The following KSR2 variants were observed in gnomAD, a reference collection of about 807,000 sequenced individuals.
The protein encoded by KSR2 is kinase suppressor of ras 2.
In KSR2, 25 loss-of-function variants were observed where a neutral mutation model predicts 107.8. The observed-to-expected ratio is 0.23, with a 90% CI of 0.17 to 0.32. KSR2 has a LOEUF of 0.32. Among genes scored for constraint, KSR2 ranks in the 10% least tolerant of loss-of-function variants. KSR2 has a pLI of 1.00. For missense variants in KSR2, 887 were observed against 1,268.9 expected, an observed-to-expected ratio of 0.70 and a Z score of 4.57; for synonymous variants, 480 against 507.0, an observed-to-expected ratio of 0.95 and a Z score of 0.71.
chr12:117,481,380 C>T (rs1253971118), intron 16 of KSR2, among the ~76,000 whole-genome samples: 3 of 152,074 alleles, frequency 2.0e-5, no homozygotes, highest in African/African-American at 4.8e-5. Context: ...AAGTTCGAGG[C>T]CCTAATCCAA....
At chr12:117,570,431 C>T (rs1878811005) in intron 7 of KSR2, among the ~76,000 whole-genome samples, 1 of 152,080 alleles carries the variant, frequency 6.6e-6, no homozygotes, top group South Asian at 2.1e-4. Context: ...GCCCCAAATG[C>T]CAATAGTGCC....
intron 5 of KSR2, among the ~76,000 whole-genome samples, chr12:117,584,541 C>T (rs908063184): frequency 6.6e-6 from 1 of 152,112 alleles, no homozygotes; most frequent in Admixed American, 6.5e-5. Context: ...TTCTGAGGCT[C>T]AACAGGAAAG....
chr12:117,478,100 G>C (rs149202558), intron 16 of KSR2, among the ~76,000 whole-genome samples: 19 of 152,208 alleles, frequency 1.2e-4, no homozygotes, highest in African/African-American at 4.6e-4. Flanking sequence ...TGCATATCTC[G>C]AATCATCCTC....
At chr12:117,837,454 TG>T (rs1892267836) in intron 3 of KSR2, among the ~76,000 whole-genome samples, 1 of 151,980 alleles carries the variant, frequency 6.6e-6, no homozygotes, top group Non-Finnish European at 1.5e-5. Context: ...CATCAAGAGG[TG>T]GCCCTGGTCG....
intron 3 of KSR2, among the ~76,000 whole-genome samples, chr12:117,792,571 C>T (rs574984034): frequency 1.1e-3 from 162 of 152,330 alleles, no homozygotes; most frequent in Non-Finnish European, 1.9e-3. Context: ...AGTAAGCCCA[C>T]AAGGGCTATT....
intron 19 of KSR2, among the ~76,000 whole-genome samples, chr12:117,469,098 T>C (rs368467101): frequency 6.6e-6 from 1 of 152,180 alleles, no homozygotes; most frequent in African/African-American, 2.4e-5. Context: ...CCACACTCAT[T>C]ATCTCAGATA....
chr12:117,621,503 G>C (rs908336135), intron 5 of KSR2, among the ~76,000 whole-genome samples: 1 of 152,104 alleles, frequency 6.6e-6, no homozygotes, highest in Non-Finnish European at 1.5e-5. Context: ...AGTAGCATGA[G>C]GATAAATATA....
intron 3 of KSR2, among the ~76,000 whole-genome samples, chr12:117,793,940 TACACCAACATGCGCAC>T (rs1284457034): frequency 7.6e-5 from 7 of 92,206 alleles, no homozygotes; most frequent in East Asian, 7.5e-4. Flanking sequence ...CATGCACACA[TACACCAACATGCGCAC>T]ACACCAACAT....
In KSR2 at chr12:117,900,241, A is replaced by G. The variant is rs537858772; in HGVS notation, c.181-39810T>C. Among the ~76,000 whole-genome samples, 4 of 152,338 alleles carry G rather than the reference A, an allele frequency of 2.6e-5. No individual in the cohort carries two copies. The South Asian group carries it at 8.3e-4, about 32-fold the overall frequency. On this transcript the variant is annotated intron_variant, in intron 1 of 19. Transcript: ENST00000339824. ...CCAGAGACTCATTGACTGTTACTCA[A>G]TACCCAACAAAGAGGCTATTGACTG...
At chr12:117,470,920 T>C (rs1185356722) in intron 18 of KSR2, among the ~76,000 whole-genome samples, 1 of 152,200 alleles carries the variant, frequency 6.6e-6, no homozygotes, top group Non-Finnish European at 1.5e-5. Context: ...AAGAGAGATA[T>C]ATTGGTTCTA....
At chr12:117,734,741 C>CATGGATGGATGGATGG (rs1282957441) in intron 4 of KSR2, among the ~76,000 whole-genome samples, 4 of 37,480 alleles carry the variant, frequency 1.1e-4, no homozygotes, top group Non-Finnish European at 2.5e-4. Flanking sequence ...CGCATGCATG[C>CATGGATGGATGGATGG]ATGCATGCAT....
At chr12:117,786,922 G>T (rs567819091) in intron 3 of KSR2, among the ~76,000 whole-genome samples, 1 of 151,686 alleles carries the variant, frequency 6.6e-6, no homozygotes, top group Non-Finnish European at 1.5e-5. Context: ...CCAGCTACTC[G>T]GGAGGCTGAG....
chr12:117,727,417 G>C (rs1887474857), intron 4 of KSR2, among the ~76,000 whole-genome samples: 1 of 151,476 alleles, frequency 6.6e-6, no homozygotes. Flanking sequence ...AAAGAAGAAG[G>C]AGAAGAAGGG....
intron 3 of KSR2, among the ~76,000 whole-genome samples, chr12:117,777,959 C>T (rs563379198): frequency 2.6e-5 from 4 of 152,024 alleles, no homozygotes; most frequent in African/African-American, 4.8e-5. Context: ...CTTGAGCCTG[C>T]GAGATCAAGG....
intron 4 of KSR2, among the ~76,000 whole-genome samples, chr12:117,735,264 TTC>T (rs1887896361): frequency 6.6e-6 from 1 of 152,192 alleles, no homozygotes; most frequent in Non-Finnish European, 1.5e-5. Flanking sequence ...GAGCAGAGCC[TTC>T]TCTTTCTGTT....
intron 14 of KSR2, among the ~76,000 whole-genome samples, chr12:117,493,650 A>C (rs1013582111): frequency 1.3e-5 from 2 of 152,164 alleles, no homozygotes; most frequent in Non-Finnish European, 2.9e-5. Flanking sequence ...GCCTATGATG[A>C]CGAACTGTCT....
At chr12:117,562,173 C>T (rs972442840) in intron 7 of KSR2, among the ~76,000 whole-genome samples, 2 of 142,570 alleles carry the variant, frequency 1.4e-5, no homozygotes, top group Non-Finnish European at 3.0e-5. Context: ...GTGGTGAGTT[C>T]AAGGGTCAAA....
At chr12:117,864,330 G>A (rs1217790922) in intron 1 of KSR2, among the ~76,000 whole-genome samples, 1 of 152,152 alleles carries the variant, frequency 6.6e-6, no homozygotes, top group Non-Finnish European at 1.5e-5. Flanking sequence ...TGTGGGATAG[G>A]AAAAGCTAGA....
chr12:117,845,071 G>C (rs2954821), intron 3 of KSR2, among the ~76,000 whole-genome samples: 1 of 152,000 alleles, frequency 6.6e-6, no homozygotes, highest in African/African-American at 2.4e-5. Context: ...GCATGAACCC[G>C]GGAGGCGGAG....
Sources: allele counts gnomAD v4.1 joint callset (sites outside exome capture counted in the v4.1 genomes callset), GRCh38; gene constraint gnomAD v4.1.1; transcripts MANE v1.5; gene names NCBI Gene and HGNC (gene_info 2026-07-23, HGNC 2026-07-21).